The following PCBP2 variants were observed in gnomAD, a reference collection of about 807,000 sequenced individuals.
The protein encoded by PCBP2 is poly(rC)-binding protein 2.
PCBP2 carries 4 observed loss-of-function variants against 50.1 expected under a neutral mutation model. That is an observed-to-expected ratio of 0.08 (90% confidence interval 0.04 to 0.18). The LOEUF (loss-of-function observed/expected upper bound fraction) is 0.18, where lower values mean the gene tolerates loss of function less well. Among genes scored for constraint, PCBP2 ranks in the 10% least tolerant of loss-of-function variants. The pLI is 1.00. For synonymous variants in PCBP2, 179 were observed against 168.0 expected (o/e 1.07, Z -0.51); for missense variants, 161 against 474.3 (o/e 0.34, Z 6.14).
chr12:53,460,019 A>G (rs1211292242), intron 6 of PCBP2: 1 of 312,718 alleles, frequency 3.2e-6, no homozygotes, highest in Non-Finnish European at 6.8e-6. Flanking sequence ...TCAGGCTCCC[A>G]GTGTTATTAC....
intron 14 of PCBP2, 73 bp downstream of exon 14, chr12:53,471,880 T>C: frequency 1.5e-6 from 2 of 1,370,960 alleles, no homozygotes; most frequent in Non-Finnish European, 2.0e-6. Context: ...CTGCAGTGTA[T>C]TAAATATGGG....
intron 7 of PCBP2, 32 bp from the exon 8 acceptor site, chr12:53,462,461 T>C (rs1261678803): frequency 5.7e-6 from 9 of 1,583,870 alleles, no homozygotes; most frequent in Admixed American, 3.5e-5. Context: ...CCTTATCTCT[T>C]TTTGTTTTTT....
At position 53,480,662 on chromosome 12, in the gene PCBP2, C is replaced by T. The variant is rs1422137572; in HGVS notation, c.*1220C>T. The T allele has an allele frequency of 6.6e-6, 1 of 152,514 alleles. No individual in the cohort carries two copies. Among genetic ancestry groups the T allele is most frequent in the Non-Finnish European group, 1.5e-5 (1 of 68,050 alleles). 9.4% of individuals were successfully genotyped at this position (152,514 alleles called of 1,614,324 possible). ...CCTAACCTCCCCCTGGGCCTTAAGACAGGGCTTGGGCAGAGAAGATAAATG... is the reference window on the plus strand; with the variant it reads ...CCTAACCTCCCCCTGGGCCTTAAGATAGGGCTTGGGCAGAGAAGATAAATG... On this transcript the variant is annotated 3_prime_UTR_variant, in exon 15 of 15. Transcript: ENST00000546463.
rs1207335190 is a variant in PCBP2 at position 53,454,902 on chromosome 12, A to G, written c.69+33A>G. ...CTAGCTTGGGAAATGGGGTCATAGTAACTGCTAGGGGAGGGGCCAGGAAGA... is the reference window on the plus strand; with the variant it reads ...CTAGCTTGGGAAATGGGGTCATAGTGACTGCTAGGGGAGGGGCCAGGAAGA... On this transcript the variant is annotated intron_variant, in intron 2 of 14. Coordinates refer to ENST00000546463, the MANE Select transcript of PCBP2 (RefSeq NM_031989.5). 5 of 1,570,376 alleles carry G rather than the reference A, an allele frequency of 3.2e-6. No individual in the cohort carries two copies. The Admixed American group carries it at 8.3e-5, about 26-fold the overall frequency.
At chr12:53,456,796 T>G (rs1006880007) in intron 5 of PCBP2, among the ~76,000 whole-genome samples, 2 of 152,160 alleles carry the variant, frequency 1.3e-5, no homozygotes, top group Non-Finnish European at 2.9e-5. Flanking sequence ...TTGTCCTGGG[T>G]CTTGTATTCA....
In PCBP2 at chr12:53,467,301, T is replaced by C. The variant is rs1941891265; in HGVS notation, c.787+8T>C. The stretch of plus-strand genomic sequence containing the variant: ...GCAACACCGGATTCAGTGGTATGGA[T>C]ACCTCAGTGTTTATTTCTGTAAGGT... On this transcript the variant is annotated splice_region_variant and intron_variant, in intron 11 of 14. Coordinates refer to ENST00000546463, the MANE Select transcript of PCBP2 (RefSeq NM_031989.5). The C allele has an allele frequency of 8.1e-6, 13 of 1,605,896 alleles. No homozygotes were observed. Among genetic ancestry groups the C allele is most frequent in the Non-Finnish European group, 1.1e-5 (13 of 1,172,460 alleles).
intron 14 of PCBP2, among the ~76,000 whole-genome samples, chr12:53,474,284 G>A (rs185735768): frequency 1.4e-3 from 220 of 152,206 alleles, no homozygotes; most frequent in African/African-American, 5.0e-3. Context: ...CTTTGAAAAC[G>A]CTACATTCTT....
intron 1 of PCBP2, chr12:53,453,220 T>G (rs1432903782): frequency 6.6e-6 from 1 of 151,876 alleles, no homozygotes; most frequent in Non-Finnish European, 1.5e-5. Context: ...TTTTTTTTTT[T>G]TGCCTTTTCG....
intron 1 of PCBP2, among the ~76,000 whole-genome samples, chr12:53,453,496 T>C (rs1255303648): frequency 1.3e-5 from 2 of 152,156 alleles, no homozygotes; most frequent in African/African-American, 2.4e-5. Context: ...ATTCTTGGAG[T>C]AGCCAGAGGA....
At chr12:53,455,249 C>A in intron 2 of PCBP2, 98 bp from the exon 3 acceptor site, 1 of 1,136,098 alleles carries the variant, frequency 8.8e-7, no homozygotes, top group Non-Finnish European at 1.3e-6. Flanking sequence ...ATAATGAATA[C>A]TTCATTAGAA....
Position 53,462,573 on chromosome 12 carries a change from A to G in PCBP2, c.579+6A>G. 1 of 1,610,490 alleles carries G rather than the reference A, an allele frequency of 6.2e-7. No individual in the cohort carries two copies. The highest frequency in any genetic ancestry group is 2.2e-5 in the East Asian group (1 of 44,848). On this transcript the variant is annotated splice_donor_region_variant and intron_variant, in intron 8 of 14. Transcript: ENST00000546463. ...TCATCTTTGCAGGTGGTCAGGTAAG[A>G]AAATTCTCATTTGTGGGCTAGAATG... is the stretch of plus-strand genomic sequence containing the variant.
chr12:53,465,658 T>C (rs1941765328), intron 9 of PCBP2, among the ~76,000 whole-genome samples: 2 of 152,118 alleles, frequency 1.3e-5, no homozygotes, highest in Non-Finnish European at 2.9e-5. Context: ...TTCCCACATT[T>C]TCATTAAGAA....
chr12:53,465,843 C>A, intron 9 of PCBP2, 89 bp from the exon 10 acceptor site: 1 of 999,262 alleles, frequency 1.0e-6, no homozygotes, highest in Non-Finnish European at 1.6e-6. Context: ...TCAACTCTGG[C>A]TTCCTGGCTA....
At chr12:53,458,165 T>G (rs1941179068) in intron 5 of PCBP2, among the ~76,000 whole-genome samples, 1 of 151,260 alleles carries the variant, frequency 6.6e-6, no homozygotes, top group Non-Finnish European at 1.5e-5. Context: ...CTGACCTCAG[T>G]GATCCACCTG....
intron 1 of PCBP2, chr12:53,452,805 C>G (rs1270170838): frequency 6.6e-6 from 1 of 151,718 alleles, no homozygotes; most frequent in Admixed American, 6.6e-5. Flanking sequence ...ATCGCAGCGC[C>G]CCCCCCCGAC....
chr12:53,462,828 T>A (rs926890990), intron 8 of PCBP2, among the ~76,000 whole-genome samples: 1 of 152,198 alleles, frequency 6.6e-6, no homozygotes, highest in Admixed American at 6.5e-5. Context: ...ATTGACTTAC[T>A]GTCTCTACTT....
At chr12:53,454,940 C>G in intron 2 of PCBP2, 71 bp downstream of exon 2, 1 of 1,258,040 alleles carries the variant, frequency 7.9e-7, no homozygotes, top group Admixed American at 1.7e-5. Flanking sequence ...AGACATGCAT[C>G]TTGGAGCTCA....
intron 12 of PCBP2, chr12:53,468,521 C>G (rs990151682): frequency 2.0e-6 from 1 of 507,054 alleles, no homozygotes; most frequent in Non-Finnish European, 3.5e-6. Context: ...CTTCCATCCC[C>G]CATCCCTAAT....
chr12:53,477,501 T>A (rs1371479154), intron 14 of PCBP2, among the ~76,000 whole-genome samples: 1 of 151,636 alleles, frequency 6.6e-6, no homozygotes, highest in Non-Finnish European at 1.5e-5. Flanking sequence ...CCGACTCTAC[T>A]AAAAACATAA....
Sources: allele counts gnomAD v4.1 joint callset (sites outside exome capture counted in the v4.1 genomes callset), GRCh38; gene constraint gnomAD v4.1.1; transcripts MANE v1.5; gene names NCBI Gene and HGNC (gene_info 2026-07-23, HGNC 2026-07-21).